Variants in PTPRM observed in about 807,000 individuals in gnomAD.
PTPRM encodes receptor-type tyrosine-protein phosphatase mu.
A neutral mutation model predicts 186.7 loss-of-function variants in PTPRM; 47 were observed. The ratio of observed to expected loss-of-function variants is 0.25; its 90% confidence interval spans 0.20 to 0.32. PTPRM has a LOEUF of 0.32. Among genes scored for constraint, PTPRM ranks in the 10% least tolerant of loss-of-function variants. PTPRM has a pLI of 1.00. For synonymous variants in PTPRM, 668 were observed against 674.9 expected (o/e 0.99, Z 0.16); for missense variants, 1,494 against 1,865.0 (o/e 0.80, Z 3.66).
intron 2 of PTPRM, among the ~76,000 whole-genome samples, chr18:7,880,000 C>T (rs983451701): frequency 6.6e-6 from 1 of 152,134 alleles, no homozygotes; most frequent in Non-Finnish European, 1.5e-5. Context: ...CATCCTTCTT[C>T]ACATGGTGGC....
chr18:7,823,485 G>A (rs1188656345), intron 2 of PTPRM, among the ~76,000 whole-genome samples: 1 of 152,166 alleles, frequency 6.6e-6, no homozygotes, highest in Non-Finnish European at 1.5e-5. Context: ...TCCTGGGTGT[G>A]TCTGTGAGGG....
intron 1 of PTPRM, chr18:7,741,540 A>G (rs1278448693): frequency 6.6e-6 from 1 of 152,136 alleles, no homozygotes; most frequent in African/African-American, 2.4e-5. Context: ...GGTCACTGAT[A>G]TTTTCAGTTA....
intron 1 of PTPRM, among the ~76,000 whole-genome samples, chr18:7,669,880 GCC>G (rs1329125586): frequency 6.6e-6 from 1 of 152,022 alleles, no homozygotes; most frequent in Non-Finnish European, 1.5e-5. Flanking sequence ...CTGCCACCAA[GCC>G]CGGCTAATTT....
intron 1 of PTPRM, among the ~76,000 whole-genome samples, chr18:7,720,666 C>T (rs1383866843): frequency 6.6e-6 from 1 of 152,150 alleles, no homozygotes; most frequent in African/African-American, 2.4e-5. Context: ...CGGAAACTAT[C>T]ATTCTACTTT....
At chr18:7,679,402 C>T (rs1253423579) in intron 1 of PTPRM, among the ~76,000 whole-genome samples, 2 of 151,864 alleles carry the variant, frequency 1.3e-5, no homozygotes, top group Non-Finnish European at 2.9e-5. Context: ...CAGTGGCTTA[C>T]ACCTGCAATC....
intron 7 of PTPRM, among the ~76,000 whole-genome samples, chr18:8,031,372 T>A (rs956304939): frequency 4.6e-5 from 7 of 152,090 alleles, no homozygotes; most frequent in Non-Finnish European, 1.0e-4. Flanking sequence ...GAAAAACAGG[T>A]GTCAAGTTTG....
intron 7 of PTPRM, among the ~76,000 whole-genome samples, chr18:7,975,134 G>A (rs996763170): frequency 1.6e-4 from 24 of 152,186 alleles, no homozygotes; most frequent in Non-Finnish European, 3.1e-4. Context: ...GGAGGATGTG[G>A]AGCAACAGGA....
At chr18:8,157,689 A>C (rs1434192793) in intron 14 of PTPRM, among the ~76,000 whole-genome samples, 1 of 152,178 alleles carries the variant, frequency 6.6e-6, no homozygotes, top group Non-Finnish European at 1.5e-5. Context: ...GGATTATAGG[A>C]AAAATTGTTC....
In PTPRM at chr18:8,371,063, GCCTCATTAACTTA is replaced by G. The variant is rs1041639119; in HGVS notation, c.3171+61_3171+73del. 1.7e-4 allele frequency: 184 copies of G among 1,052,866 alleles called. 1 individual carries two copies. The African/African-American group carries it at 2.6e-3, about 15-fold the overall frequency. The allele number at this position is 1,052,866 out of a possible 1,614,324, so 65.2% of individuals were successfully genotyped here. On this transcript the variant is annotated intron_variant, in intron 24 of 32. Transcript: ENST00000580170. Reference sequence around the variant, plus strand: ...GTCAGACACTAGTGGTACCATACTAGCCTCATTAACTTACCTAGGATACTTTACACATGCTCAT... The same window carrying G: ...GTCAGACACTAGTGGTACCATACTAGCCTAGGATACTTTACACATGCTCAT...
intron 2 of PTPRM, among the ~76,000 whole-genome samples, chr18:7,846,235 G>A (rs1282712093): frequency 6.6e-6 from 1 of 152,086 alleles, no homozygotes; most frequent in African/African-American, 2.4e-5. Context: ...GGTGGAAGAA[G>A]GCAAGACAAA....
intron 7 of PTPRM, among the ~76,000 whole-genome samples, chr18:8,045,300 A>T (rs960498016): frequency 2.0e-5 from 3 of 152,198 alleles, no homozygotes; most frequent in Non-Finnish European, 4.4e-5. Flanking sequence ...GTCAGCTGTG[A>T]TCGCACCACT....
chr18:8,402,516 TAA>T (rs2095877482), intron 32 of PTPRM, among the ~76,000 whole-genome samples: 1 of 152,180 alleles, frequency 6.6e-6, no homozygotes, highest in Admixed American at 6.5e-5. Flanking sequence ...GGAAATATGT[TAA>T]AAGGATGGCT....
intron 7 of PTPRM, among the ~76,000 whole-genome samples, chr18:8,040,681 A>G (rs968865952): frequency 6.6e-6 from 1 of 152,166 alleles, no homozygotes; most frequent in Non-Finnish European, 1.5e-5. Flanking sequence ...AAAACAGTAA[A>G]CATATAATTG....
At chr18:7,678,319 G>C (rs528205634) in intron 1 of PTPRM, among the ~76,000 whole-genome samples, 1 of 152,160 alleles carries the variant, frequency 6.6e-6, no homozygotes, top group African/African-American at 2.4e-5. Context: ...TCCAGCTAAT[G>C]TTTCAAAGCA....
At chr18:7,894,302 C>T (rs560907748) in intron 3 of PTPRM, among the ~76,000 whole-genome samples, 1 of 152,198 alleles carries the variant, frequency 6.6e-6, no homozygotes, top group African/African-American at 2.4e-5. Context: ...AATATATTTT[C>T]CAAGCCAGGC....
chr18:7,604,225 C>T (rs1442681462), intron 1 of PTPRM, among the ~76,000 whole-genome samples: 1 of 152,116 alleles, frequency 6.6e-6, no homozygotes, highest in Admixed American at 6.5e-5. Flanking sequence ...CAGGGCTTTA[C>T]ACTAAATTTG....
intron 11 of PTPRM, among the ~76,000 whole-genome samples, chr18:8,093,108 T>G (rs551807713): frequency 1.3e-5 from 2 of 152,176 alleles, no homozygotes; most frequent in Non-Finnish European, 2.9e-5. Context: ...TTCAAGGTTA[T>G]GAAGCATAAA....
At chr18:8,148,096 T>C (rs1195134514) in intron 14 of PTPRM, among the ~76,000 whole-genome samples, 1 of 152,204 alleles carries the variant, frequency 6.6e-6, no homozygotes, top group Non-Finnish European at 1.5e-5. Context: ...GATATTGGCC[T>C]GAAATTTTCT....
chr18:7,798,798 C>T (rs1291165070), intron 2 of PTPRM, among the ~76,000 whole-genome samples: 1 of 152,156 alleles, frequency 6.6e-6, no homozygotes, highest in African/African-American at 2.4e-5. Flanking sequence ...TTCCCCAACA[C>T]CGTAATTTAA....
Sources: allele counts gnomAD v4.1 joint callset (sites outside exome capture counted in the v4.1 genomes callset), GRCh38; gene constraint gnomAD v4.1.1; transcripts MANE v1.5; gene names NCBI Gene and HGNC (gene_info 2026-07-23, HGNC 2026-07-21).